The following ZNF462 variants were observed in gnomAD, a reference collection of about 807,000 sequenced individuals.
ZNF462 encodes the protein zinc finger protein 462.
In ZNF462, 10 loss-of-function variants were observed where a neutral mutation model predicts 201.9. That is an observed-to-expected ratio of 0.05 (90% CI 0.03 to 0.08). ZNF462 has a LOEUF of 0.08. Among genes scored for constraint, ZNF462 ranks in the 10% least tolerant of loss-of-function variants. The probability of loss-of-function intolerance (pLI) is 1.00; values close to 1 mark genes in which losing one functional copy is unlikely to be tolerated. For synonymous variants in ZNF462, 1,227 were observed against 1,193.3 expected (o/e 1.03, Z -0.58); for missense variants, 2,523 against 3,168.3 (o/e 0.80, Z 4.89).
chr9:106,896,861 T>C (rs1270614713), intron 1 of ZNF462, among the ~76,000 whole-genome samples: 1 of 152,234 alleles, frequency 6.6e-6, no homozygotes, highest in Non-Finnish European at 1.5e-5. Context: ...GTCTTGGCTG[T>C]GCCTCTTTTC....
Position 106,863,405 on chromosome 9 carries a change from G to T in ZNF462, c.-31+50G>T, listed in dbSNP as rs190120308. The T allele has an allele frequency of 1.3e-5, 5 of 393,552 alleles. No individual in the cohort carries two copies. In the East Asian group the frequency reaches 1.8e-4, roughly 14 times the overall value. 24.4% of individuals were successfully genotyped at this position (393,552 alleles called of 1,614,324 possible). ...CCTCGGGGTGGTCCGAGTGCTCCGGGGAAGAGAGCGCGGGGTGGTGGAGGC... is the reference window on the plus strand; with the variant it reads ...CCTCGGGGTGGTCCGAGTGCTCCGGTGAAGAGAGCGCGGGGTGGTGGAGGC... On this transcript the variant is annotated intron_variant, in intron 1 of 12. Transcript: ENST00000277225.
intron 1 of ZNF462, among the ~76,000 whole-genome samples, chr9:106,864,023 C>A (rs1827176839): frequency 1.4e-5 from 2 of 144,794 alleles, no homozygotes; most frequent in Non-Finnish European, 3.0e-5. Context: ...CAGCCCCCCT[C>A]TTCCTCAGGT....
rs1828779287 is a variant in ZNF462 at position 106,895,635 on chromosome 9, A to T, written c.-30-27719A>T. On this transcript the variant is annotated intron_variant, in intron 1 of 12. Transcript: ENST00000277225. This position sits in a 1 kb window ranked among gnomAD's most constrained non-coding sequence, Gnocchi z 4.4. ...TTTGAAACTGGATAGATCTTACGTTATTTAATCCCTATGAAATGGATATTT... is the reference window on the plus strand; with the variant it reads ...TTTGAAACTGGATAGATCTTACGTTTTTTAATCCCTATGAAATGGATATTT... Among the ~76,000 whole-genome samples the T allele has an allele frequency of 2.0e-5, 3 of 152,212 alleles. No homozygotes were observed. Among genetic ancestry groups the T allele is most frequent in the African/African-American group, 4.8e-5 (2 of 41,452 alleles).
chr9:106,891,535 A>G (rs1256766871), intron 1 of ZNF462, among the ~76,000 whole-genome samples: 4 of 152,152 alleles, frequency 2.6e-5, no homozygotes, highest in African/African-American at 9.7e-5. Flanking sequence ...GATGGTCACG[A>G]GAGAGAAAAA....
chr9:106,951,703 C>T (rs1288438444), intron 7 of ZNF462, among the ~76,000 whole-genome samples: 4 of 152,108 alleles, frequency 2.6e-5, no homozygotes, highest in African/African-American at 4.8e-5. Context: ...TTGACAGCAA[C>T]GGATCTGCAA....
At position 106,984,820 on chromosome 9, in the gene ZNF462, A is replaced by G. The variant is rs1564152468; in HGVS notation, c.7056+411A>G. 6.6e-6 allele frequency among the ~76,000 whole-genome samples: 1 copy of G among 152,254 alleles called. No homozygotes were observed. The highest frequency in any genetic ancestry group is 1.5e-5 in the Non-Finnish European group (1 of 68,040). ...TAAATGACAGGGTTTGGCAGTTTCT[A>G]TAAAGGACCGGAGAGCAAATATTTT... On this transcript the variant is annotated intron_variant, in intron 10 of 12. Coordinates refer to ENST00000277225, the MANE Select transcript of ZNF462 (RefSeq NM_021224.6). This position sits in a 1 kb window ranked among gnomAD's most constrained non-coding sequence, Gnocchi z 6.4.
intron 10 of ZNF462, among the ~76,000 whole-genome samples, chr9:107,002,699 C>T (rs186724213): frequency 5.8e-4 from 88 of 152,300 alleles, no homozygotes; most frequent in African/African-American, 2.1e-3. Flanking sequence ...AGCCTTGATA[C>T]ATAGGCTGTG....
chr9:106,906,247 C>T (rs1186582147), intron 1 of ZNF462, among the ~76,000 whole-genome samples: 1 of 152,188 alleles, frequency 6.6e-6, no homozygotes, highest in Non-Finnish European at 1.5e-5. Context: ...TTTGCAGTGT[C>T]TCCTGGGTCC....
chr9:106,868,023 A>G (rs1334002194), intron 1 of ZNF462, among the ~76,000 whole-genome samples: 3 of 151,942 alleles, frequency 2.0e-5, no homozygotes, highest in African/African-American at 7.3e-5. Context: ...TATATTCAGC[A>G]GAAGTGGAGG....
At position 106,870,831 on chromosome 9, in the gene ZNF462, G is replaced by GCCAA. The variant is rs1827556835; in HGVS notation, c.-31+7477_-31+7480dup. Among the ~76,000 whole-genome samples, 1 of 152,178 alleles carries GCCAA rather than the reference G, an allele frequency of 6.6e-6. No homozygotes were observed. The highest frequency in any genetic ancestry group is 2.4e-5 in the African/African-American group (1 of 41,440). On this transcript the variant is annotated intron_variant, in intron 1 of 12. Transcript: ENST00000277225. This position sits in a 1 kb window ranked among gnomAD's most constrained non-coding sequence, Gnocchi z 4.3. ...CCGCCACAGAGCCCAGCTGGGGAAG[G>GCCAA]CCAAACTCACTCTTAAGTTCTCGTC... is the stretch of plus-strand genomic sequence containing the variant.
At position 106,968,633 on chromosome 9, in the gene ZNF462, G is replaced by A. The variant is rs1044970416; in HGVS notation, c.6428-3372G>A. On this transcript the variant is annotated intron_variant, in intron 7 of 12. Transcript: ENST00000277225. The surrounding 1 kb of genome is among the most constrained non-coding windows in gnomAD (Gnocchi z 4.0). The stretch of plus-strand genomic sequence containing the variant: ...TGGACCACCTTAGTCTTTGCTGTTG[G>A]TTCCATTGTAGATACCACTGGCCAT... 6.6e-6 allele frequency among the ~76,000 whole-genome samples: 1 copy of A among 152,004 alleles called. No homozygotes were observed.
intron 1 of ZNF462, among the ~76,000 whole-genome samples, chr9:106,918,036 C>T (rs1428376185): frequency 6.6e-6 from 1 of 151,736 alleles, no homozygotes; most frequent in South Asian, 2.1e-4. Flanking sequence ...CCACCACACC[C>T]GGCTAATTTT....
chr9:106,904,187 A>G (rs1172144079), intron 1 of ZNF462, among the ~76,000 whole-genome samples: 1 of 152,032 alleles, frequency 6.6e-6, no homozygotes, highest in Admixed American at 6.5e-5. Flanking sequence ...TTCATATATT[A>G]TGCTTAGTTT....
At chr9:106,908,369 A>G (rs1441249113) in intron 1 of ZNF462, among the ~76,000 whole-genome samples, 1 of 152,112 alleles carries the variant, frequency 6.6e-6, no homozygotes, top group African/African-American at 2.4e-5. Context: ...ATTCATAATA[A>G]ATCTCCATTG....
At chr9:106,943,059 C>CGCGCGCGCGCGCGCGTGTGTGT (rs374167214) in intron 7 of ZNF462, among the ~76,000 whole-genome samples, 15 of 143,152 alleles carry the variant, frequency 1.0e-4, no homozygotes, top group African/African-American at 3.7e-4. Flanking sequence ...TTTGCGCGCG[C>CGCGCGCGCGCGCGCGTGTGTGT]GTGTGTGTGT....
Position 106,981,088 on chromosome 9 carries a change from G to A in ZNF462, c.6833-3098G>A, listed in dbSNP as rs569694550. ...ATGTTAACCATGTTTTTAGAAAGGGGAAAAAGCTAACTTTTTTTCTAAAAT... is the reference window on the plus strand; with the variant it reads ...ATGTTAACCATGTTTTTAGAAAGGGAAAAAAGCTAACTTTTTTTCTAAAAT... On this transcript the variant is annotated intron_variant, in intron 9 of 12. Coordinates refer to ENST00000277225, the MANE Select transcript of ZNF462 (RefSeq NM_021224.6). This position sits in a 1 kb window ranked among gnomAD's most constrained non-coding sequence, Gnocchi z 4.0. Among the ~76,000 whole-genome samples, 26 of 152,170 alleles carry A rather than the reference G, an allele frequency of 1.7e-4. No individual in the cohort carries two copies. Among genetic ancestry groups the A allele is most frequent in the African/African-American group, 6.3e-4 (26 of 41,526 alleles).
rs548565938 is a variant in ZNF462, at chr9:106,932,939, A to G, written c.6116+390A>G. ...TTGCTAAAGAGGTAAAATTAGGACT[A>G]TTAACCCATGTGACCAAAGAAACAT... On this transcript the variant is annotated intron_variant, in intron 5 of 12. Coordinates refer to ENST00000277225, the MANE Select transcript of ZNF462 (RefSeq NM_021224.6). The surrounding 1 kb of genome is among the most constrained non-coding windows in gnomAD (Gnocchi z 6.8). 20 of 289,940 alleles carry G rather than the reference A, an allele frequency of 6.9e-5. No individual in the cohort carries two copies. The East Asian group carries it at 1.3e-3, about 19-fold the overall frequency. The allele number at this position is 289,940 out of a possible 1,614,324, so 18.0% of individuals were successfully genotyped here.
At chr9:106,999,014 A>G (rs1828960229) in intron 10 of ZNF462, among the ~76,000 whole-genome samples, 1 of 152,164 alleles carries the variant, frequency 6.6e-6, no homozygotes, top group African/African-American at 2.4e-5. Context: ...TTTCACAGGA[A>G]TAAAGATCTG....
Position 106,978,542 on chromosome 9 carries a change from A to C in ZNF462, c.6832+4269A>C, listed in dbSNP as rs531741240. Among the ~76,000 whole-genome samples the C allele has an allele frequency of 6.6e-6, 1 of 151,672 alleles. No homozygotes were observed. The highest frequency in any genetic ancestry group is 2.4e-5 in the African/African-American group (1 of 40,960). On this transcript the variant is annotated intron_variant, in intron 9 of 12. Coordinates refer to ENST00000277225, the MANE Select transcript of ZNF462 (RefSeq NM_021224.6). The surrounding 1 kb of genome is among the most constrained non-coding windows in gnomAD (Gnocchi z 4.1). ...CATCTCATTCAGGAACTGTGAACTT[A>C]GGTCAGATCAACGTTTGGTGAGATT...
Sources: gnomAD v4.1 joint callset for allele counts (sites outside exome capture counted in the v4.1 genomes callset) on GRCh38, gnomAD v4.1.1 for gene constraint, Gnocchi (gnomAD v3.1) non-coding constraint, MANE v1.5 for transcripts, NCBI Gene and HGNC (gene_info 2026-07-23, HGNC 2026-07-21) for gene names.